Variants in PTH2R observed in about 807,000 individuals in gnomAD.
PTH2R encodes the protein PTH2 receptor.
A neutral mutation model predicts 60.3 loss-of-function variants in PTH2R; 59 were observed. The ratio of observed to expected loss-of-function variants is 0.98; its 90% CI spans 0.79 to 1.22. The LOEUF (loss-of-function observed/expected upper bound fraction) is 1.22, where lower values mean the gene tolerates loss of function less well. PTH2R is among the 50% of genes most tolerant of loss of function. PTH2R has a pLI of 0.00. For synonymous variants in PTH2R, 256 were observed against 243.8 expected (o/e 1.05, Z -0.47); for missense variants, 749 against 682.6 (o/e 1.10, Z -1.08).
intron 9 of PTH2R, among the ~76,000 whole-genome samples, chr2:208,480,385 G>T (rs956401001): frequency 1.3e-5 from 2 of 152,034 alleles, no homozygotes; most frequent in African/African-American, 4.8e-5. Flanking sequence ...TATGACCCCA[G>T]ACCTGGAGAC....
chr2:208,414,820 C>T (rs910131041), intron 1 of PTH2R, among the ~76,000 whole-genome samples: 1 of 152,046 alleles, frequency 6.6e-6, no homozygotes, highest in African/African-American at 2.4e-5. Flanking sequence ...TGATAGCTTG[C>T]ACTCTTGATA....
intron 2 of PTH2R, among the ~76,000 whole-genome samples, chr2:208,433,442 T>TA (rs1702013031): frequency 6.6e-6 from 1 of 152,206 alleles, no homozygotes. Flanking sequence ...TACATTCTTC[T>TA]AAAATCAAGA....
intron 1 of PTH2R, among the ~76,000 whole-genome samples, chr2:208,364,848 G>A (rs1178484825): frequency 6.7e-6 from 1 of 148,704 alleles, no homozygotes; most frequent in Admixed American, 6.6e-5. Context: ...TTTCAGTAAT[G>A]TTTTATAGTT....
intron 9 of PTH2R, among the ~76,000 whole-genome samples, chr2:208,471,412 G>T (rs962240440): frequency 6.6e-6 from 1 of 152,224 alleles, no homozygotes; most frequent in Admixed American, 6.5e-5. Context: ...CTAGGGACTT[G>T]GTGCCTTGTG....
At chr2:208,370,030 C>T (rs879079395) in intron 1 of PTH2R, among the ~76,000 whole-genome samples, 2 of 152,044 alleles carry the variant, frequency 1.3e-5, no homozygotes, top group Non-Finnish European at 2.9e-5. Flanking sequence ...CTGTTGCACT[C>T]CAAAATTGTG....
chr2:208,377,363 G>A (rs1700814017), intron 1 of PTH2R, among the ~76,000 whole-genome samples: 2 of 152,046 alleles, frequency 1.3e-5, no homozygotes, highest in Admixed American at 6.5e-5. Flanking sequence ...CGTCATCATG[G>A]CCCGTTCTCA....
intron 9 of PTH2R, among the ~76,000 whole-genome samples, chr2:208,478,751 G>T (rs1703078134): frequency 6.6e-6 from 1 of 152,142 alleles, no homozygotes; most frequent in African/African-American, 2.4e-5. Flanking sequence ...TAGTGCAGTG[G>T]TTAAGGGTGT....
chr2:208,396,409 C>T (rs1370706591), intron 1 of PTH2R, among the ~76,000 whole-genome samples: 1 of 151,942 alleles, frequency 6.6e-6, no homozygotes, highest in Non-Finnish European at 1.5e-5. Context: ...TGCAATCTGC[C>T]CATCTGACAA....
intron 10 of PTH2R, among the ~76,000 whole-genome samples, chr2:208,485,115 C>T (rs752518396): frequency 1.3e-5 from 2 of 152,066 alleles, no homozygotes; most frequent in Non-Finnish European, 2.9e-5. Context: ...TAATTCAAGG[C>T]CACGGGAATT....
intron 9 of PTH2R, among the ~76,000 whole-genome samples, chr2:208,480,602 T>TA (rs1178506870): frequency 7.9e-5 from 12 of 151,484 alleles, no homozygotes; most frequent in East Asian, 1.9e-4. Context: ...TACTTCCCTT[T>TA]AAAAAAAAAC....
At chr2:208,360,047 T>A (rs1700417447) in exon 1 of PTH2R, 4 of 352,034 alleles carry the variant, frequency 1.1e-5, no homozygotes, top group South Asian at 9.1e-5. Context: ...CGGAGAGGAA[T>A]TATCTGATAA....
At chr2:208,414,450 T>G (rs889725421) in intron 1 of PTH2R, among the ~76,000 whole-genome samples, 7 of 152,098 alleles carry the variant, frequency 4.6e-5, no homozygotes, top group Admixed American at 4.6e-4. Flanking sequence ...ATGGTTACAT[T>G]CCTCATAGTA....
intron 1 of PTH2R, among the ~76,000 whole-genome samples, chr2:208,417,697 A>G (rs1472335408): frequency 2.0e-5 from 3 of 151,934 alleles, no homozygotes; most frequent in African/African-American, 7.3e-5. Context: ...TTATGGGCAC[A>G]TGCCACCATG....
Position 208,383,111 on chromosome 2 carries a change from C to T in PTH2R, c.-259+22874C>T, listed in dbSNP as rs551292731. 7.5e-4 allele frequency among the ~76,000 whole-genome samples: 114 copies of T among 152,314 alleles called. 1 individual carries two copies. Among genetic ancestry groups the T allele is most frequent in the Non-Finnish European group, 1.4e-3 (95 of 68,016 alleles). On this transcript the variant is annotated intron_variant, in intron 1 of 12. Coordinates refer to the PTH2R transcript ENST00000617735. ...TACTAAGCCTTTTATATTAGTAAAACTGTTATGTTATCTAGAAATTCATCA... is the reference window on the plus strand; with the variant it reads ...TACTAAGCCTTTTATATTAGTAAAATTGTTATGTTATCTAGAAATTCATCA...
intron 8 of PTH2R, among the ~76,000 whole-genome samples, chr2:208,452,008 C>T (rs1012133927): frequency 2.6e-5 from 4 of 152,150 alleles, no homozygotes; most frequent in Non-Finnish European, 4.4e-5. Context: ...ACCCAAAACA[C>T]ATGATCTCTT....
At chr2:208,398,809 T>C (rs1300142940) in intron 1 of PTH2R, among the ~76,000 whole-genome samples, 1 of 152,208 alleles carries the variant, frequency 6.6e-6, no homozygotes, top group Non-Finnish European at 1.5e-5. Context: ...ACTGGAATTA[T>C]AAAATTAGAC....
chr2:208,422,286 A>G (rs535752781), intron 1 of PTH2R, among the ~76,000 whole-genome samples: 1 of 152,342 alleles, frequency 6.6e-6, no homozygotes, highest in South Asian at 2.1e-4. Context: ...TTCAAAGGTT[A>G]ATCTTGGATG....
Position 208,450,758 on chromosome 2 carries a change from C to A in PTH2R, c.863C>A (p.Ala288Glu). The A allele has an allele frequency of 6.2e-7, 1 of 1,613,874 alleles. No homozygotes were observed. Among genetic ancestry groups the A allele is most frequent in the Non-Finnish European group, 8.5e-7 (1 of 1,179,836 alleles). The stretch of plus-strand genomic sequence containing the variant: ...CATTTTCTGATTTCAGGGTTTCCAG[C>A]AGCATTTGTTGCAGCATGGGCTGTG... ...GFILIGWGFP[A>E]AFVAAWAVAR... Residue 288 changes from alanine to glutamate, a missense_variant, in exon 8 of 13, where the codon GCA (alanine) becomes GAA (glutamate). Coordinates refer to ENST00000272847, the MANE Select transcript of PTH2R (RefSeq NM_005048.4).
At chr2:208,465,978 A>G (rs776478263) in intron 9 of PTH2R, among the ~76,000 whole-genome samples, 61 of 152,120 alleles carry the variant, frequency 4.0e-4, no homozygotes, top group Admixed American at 1.6e-3. Flanking sequence ...AAACTTGTTC[A>G]GCTGAAACAT....
Sources: gnomAD v4.1 joint callset for allele counts (sites outside exome capture counted in the v4.1 genomes callset) on GRCh38, gnomAD v4.1.1 for gene constraint, MANE v1.5 for transcripts, NCBI Gene and HGNC (gene_info 2026-07-23, HGNC 2026-07-21) for gene names.